Variants in NR2F1-AS1 observed in about 807,000 individuals in gnomAD.
NR2F1-AS1 encodes the protein NR2F1 antisense RNA 1.
chr5:93,528,950 G>A (rs1208000286), intron 4 of NR2F1-AS1, among the ~76,000 whole-genome samples: 4 of 152,108 alleles, frequency 2.6e-5, no homozygotes, highest in Non-Finnish European at 4.4e-5. Context: ...TAATGTAGAT[G>A]ATGGGTTGAT....
At chr5:93,432,356 A>AT (rs1749345016) in intron 4 of NR2F1-AS1, 1 of 152,196 alleles carries the variant, frequency 6.6e-6, no homozygotes, top group African/African-American at 2.4e-5. Context: ...ATATTTTCCA[A>AT]GTACTTACCA....
At chr5:93,458,362 A>G (rs1237748779) in intron 4 of NR2F1-AS1, among the ~76,000 whole-genome samples, 2 of 152,232 alleles carry the variant, frequency 1.3e-5, no homozygotes, top group Non-Finnish European at 2.9e-5. Flanking sequence ...ATGGTACAGA[A>G]TAGCACTGAA....
intron 4 of NR2F1-AS1, among the ~76,000 whole-genome samples, chr5:93,485,523 G>A (rs1462979485): frequency 2.0e-5 from 3 of 152,054 alleles, no homozygotes; most frequent in Non-Finnish European, 2.9e-5. Context: ...ATCTAAAATC[G>A]ACACCTTAAC....
chr5:93,508,190 A>T (rs1411200053), intron 4 of NR2F1-AS1, among the ~76,000 whole-genome samples: 2 of 152,194 alleles, frequency 1.3e-5, no homozygotes, highest in Non-Finnish European at 2.9e-5. Flanking sequence ...AGGTGGAACG[A>T]TTTATCCTAA....
chr5:93,481,607 T>C (rs1750601546), intron 4 of NR2F1-AS1, among the ~76,000 whole-genome samples: 1 of 152,084 alleles, frequency 6.6e-6, no homozygotes, highest in Non-Finnish European at 1.5e-5. Flanking sequence ...AGAATATGTA[T>C]TCTTCTCAAG....
chr5:93,523,747 C>T (rs1375308344), intron 4 of NR2F1-AS1, among the ~76,000 whole-genome samples: 1 of 152,142 alleles, frequency 6.6e-6, no homozygotes, highest in Non-Finnish European at 1.5e-5. Flanking sequence ...CTCCAGCAGA[C>T]CTGTAGCAGA....
At chr5:93,494,931 AAGT>A (rs1325664688) in intron 4 of NR2F1-AS1, among the ~76,000 whole-genome samples, 5 of 152,188 alleles carry the variant, frequency 3.3e-5, no homozygotes, top group Non-Finnish European at 2.9e-5. Context: ...AAGTGAAAGA[AAGT>A]AGAACAACAG....
At chr5:93,581,289 G>T (rs901680422), upstream of NR2F1-AS1, 3 of 152,572 alleles carry the variant, frequency 2.0e-5, no homozygotes, top group East Asian at 1.9e-4. Flanking sequence ...CGGCGGCAGC[G>T]GCGGCTTTGT....
At chr5:93,458,333 T>G (rs1749999496) in intron 4 of NR2F1-AS1, among the ~76,000 whole-genome samples, 1 of 152,160 alleles carries the variant, frequency 6.6e-6, no homozygotes, top group Non-Finnish European at 1.5e-5. Flanking sequence ...GATACTGGCT[T>G]AAAGAAATAC....
intron 4 of NR2F1-AS1, among the ~76,000 whole-genome samples, chr5:93,455,958 A>C (rs191801373): frequency 3.9e-5 from 6 of 152,260 alleles, no homozygotes; most frequent in Admixed American, 2.0e-4. Flanking sequence ...ACTTCCTCAA[A>C]CTAACATTGA....
intron 4 of NR2F1-AS1, among the ~76,000 whole-genome samples, chr5:93,462,904 A>G (rs1030586573): frequency 2.6e-5 from 4 of 152,220 alleles, no homozygotes; most frequent in African/African-American, 9.6e-5. Context: ...AAAAGCATTC[A>G]GTTTTAAAAG....
At chr5:93,583,333 C>G (rs1753160547), upstream of NR2F1-AS1, 1 of 151,158 alleles carries the variant, frequency 6.6e-6, no homozygotes, top group Non-Finnish European at 1.5e-5. Flanking sequence ...TCCTCTCTCT[C>G]TCTCCTCTTT....
rs552577980 is a variant in NR2F1-AS1 at position 93,435,748 on chromosome 5, G to A, written n.639-40206C>T. On this transcript the variant is annotated intron_variant and non_coding_transcript_variant, in intron 4 of 5. Coordinates refer to ENST00000660523, the Ensembl canonical transcript of NR2F1-AS1. ...GGCCTTCTTTGACTACTTTATTGTA[G>A]TAAAACTCCTTTGATGATAACCCCT... Among the ~76,000 whole-genome samples, 3 of 152,254 alleles carry A rather than the reference G, an allele frequency of 2.0e-5. No homozygotes were observed. In the South Asian group the frequency reaches 6.2e-4, roughly 32 times the overall value.
intron 4 of NR2F1-AS1, among the ~76,000 whole-genome samples, chr5:93,465,262 A>G (rs1429035813): frequency 6.6e-6 from 1 of 152,240 alleles, no homozygotes; most frequent in Admixed American, 6.5e-5. Context: ...AAAAGTGGGC[A>G]AAGGATATGA....
intron 4 of NR2F1-AS1, among the ~76,000 whole-genome samples, chr5:93,440,791 G>C (rs1037867017): frequency 4.6e-5 from 7 of 152,148 alleles, no homozygotes; most frequent in African/African-American, 1.7e-4. Flanking sequence ...TAGGTTTGCA[G>C]TTTCAGCACT....
At chr5:93,436,454 C>T (rs938772969) in intron 4 of NR2F1-AS1, among the ~76,000 whole-genome samples, 15 of 152,156 alleles carry the variant, frequency 9.9e-5, no homozygotes, top group African/African-American at 3.4e-4. Flanking sequence ...TAAGCTATTA[C>T]CATGTATTGC....
intron 4 of NR2F1-AS1, among the ~76,000 whole-genome samples, chr5:93,539,906 CTAAA>C (rs141677150): frequency 0.014 from 2,194 of 152,092 alleles, 59 homozygotes; most frequent in African/African-American, 0.05. Flanking sequence ...TTTAATTTAA[CTAAA>C]TAAGAGACAG....
intron 4 of NR2F1-AS1, among the ~76,000 whole-genome samples, chr5:93,445,194 T>A (rs993932808): frequency 1.3e-5 from 2 of 151,934 alleles, no homozygotes; most frequent in Admixed American, 6.6e-5. Flanking sequence ...AAGAAATAAC[T>A]AAGATCAGAG....
chr5:93,492,703 G>A (rs955976600), intron 4 of NR2F1-AS1, among the ~76,000 whole-genome samples: 2 of 152,080 alleles, frequency 1.3e-5, no homozygotes, highest in South Asian at 2.1e-4. Flanking sequence ...CAAATGAAGT[G>A]TAACTCATGA....
Sources: gnomAD v4.1 joint callset for allele counts (sites outside exome capture counted in the v4.1 genomes callset) on GRCh38, gnomAD v4.1.1 for gene constraint, MANE v1.5 for transcripts, NCBI Gene and HGNC (gene_info 2026-07-23, HGNC 2026-07-21) for gene names.